FASTKD1: variants seen among roughly 807,000 people sequenced by gnomAD.
FASTKD1 encodes FAST kinase domain-containing protein 1, mitochondrial.
In FASTKD1, 94 loss-of-function variants were observed where a neutral mutation model predicts 90.9. That is an observed-to-expected ratio of 1.03 (90% CI 0.88 to 1.23). The LOEUF (loss-of-function observed/expected upper bound fraction) is 1.23. FASTKD1 is among the 50% of genes most tolerant of loss of function. The pLI, the probability that FASTKD1 is intolerant of heterozygous loss-of-function variation, is 0.00. For synonymous variants in FASTKD1, 319 were observed against 345.8 expected, an observed-to-expected ratio of 0.92 and a Z score of 0.86; for missense variants, 945 against 993.5, an observed-to-expected ratio of 0.95 and a Z score of 0.66.
intron 10 of FASTKD1, among the ~76,000 whole-genome samples, chr2:169,539,408 G>C (rs1283610095): frequency 1.3e-5 from 2 of 152,100 alleles, no homozygotes; most frequent in Non-Finnish European, 2.9e-5. Flanking sequence ...CCAGGAGTTA[G>C]AGACCAGCCT....
At chr2:169,530,784 T>C in intron 13 of FASTKD1, 83 bp from the exon 14 acceptor site, 1 of 751,822 alleles carries the variant, frequency 1.3e-6, no homozygotes, top group Non-Finnish European at 2.2e-6. Context: ...CAAGATTGCA[T>C]CTTTATAAAC....
chr2:169,556,163 C>T (rs182324694), intron 6 of FASTKD1, among the ~76,000 whole-genome samples: 29 of 152,110 alleles, frequency 1.9e-4, no homozygotes, highest in African/African-American at 6.3e-4. Flanking sequence ...AAACAATTGT[C>T]ATTTCTACTT....
chr2:169,538,204 T>A (rs1009779824), intron 10 of FASTKD1, 63 bp from the exon 11 acceptor site: 1 of 1,426,680 alleles, frequency 7.0e-7, no homozygotes, highest in Admixed American at 2.2e-5. Context: ...AACCCATTTT[T>A]TTCACATTCA....
intron 12 of FASTKD1, among the ~76,000 whole-genome samples, chr2:169,533,698 G>A (rs1459582322): frequency 6.6e-6 from 1 of 152,124 alleles, no homozygotes; most frequent in Non-Finnish European, 1.5e-5. Context: ...AAATCTTACA[G>A]ATTGATTAAA....
At chr2:169,540,456 A>G (rs1320303928) in intron 9 of FASTKD1, among the ~76,000 whole-genome samples, 3 of 152,208 alleles carry the variant, frequency 2.0e-5, no homozygotes, top group Admixed American at 6.5e-5. Context: ...AATTCACAGT[A>G]TTATACTAAA....
intron 3 of FASTKD1, among the ~76,000 whole-genome samples, chr2:169,564,976 G>T (rs1683891567): frequency 1.6e-5 from 2 of 123,774 alleles, no homozygotes; most frequent in South Asian, 2.6e-4. Flanking sequence ...TTTTTGAGAC[G>T]CAGTTTCGCT....
At position 169,547,884 on chromosome 2, in the gene FASTKD1, CAAAAAAAAAAAA is replaced by C. The variant is rs1158292826; in HGVS notation, c.1215-1192_1215-1181del. On this transcript the variant is annotated intron_variant, in intron 7 of 14. Transcript: ENST00000453153. ...TGGGCGACAGAGGAAGACTCCATCT[CAAAAAAAAAAAA>C]AAAAAAAAAAAAAAAAAAAAGAGTT... Among the ~76,000 whole-genome samples the C allele has an allele frequency of 3.6e-3, 76 of 21,340 alleles. 1 individual carries two copies. Among genetic ancestry groups the C allele is most frequent in the South Asian group, 0.011 (3 of 272 alleles). The allele number at this position is 21,340 out of a possible 152,430, so 14.0% of individuals were successfully genotyped here.
At chr2:169,549,368 A>G in intron 7 of FASTKD1, among the ~76,000 whole-genome samples, 1 of 152,144 alleles carries the variant, frequency 6.6e-6, no homozygotes, top group Non-Finnish European at 1.5e-5. Context: ...GTGCCACTGC[A>G]CTCCAGCCTG....
At chr2:169,535,314 C>T (rs2105334394) in intron 12 of FASTKD1, among the ~76,000 whole-genome samples, 1 of 151,718 alleles carries the variant, frequency 6.6e-6, no homozygotes, top group Non-Finnish European at 1.5e-5. Flanking sequence ...CCTAATGGGA[C>T]TACAGGGGCA....
At chr2:169,564,819 G>A (rs1252028068) in intron 3 of FASTKD1, among the ~76,000 whole-genome samples, 2 of 151,798 alleles carry the variant, frequency 1.3e-5, no homozygotes, top group Admixed American at 6.6e-5. Flanking sequence ...GAAAGCATGC[G>A]ACGTTTATCT....
intron 5 of FASTKD1, among the ~76,000 whole-genome samples, chr2:169,558,719 G>C (rs994650497): frequency 4.6e-5 from 7 of 152,032 alleles, no homozygotes; most frequent in African/African-American, 1.4e-4. Context: ...CCAAGGTGCT[G>C]GGATAACAGG....
At chr2:169,534,679 G>A (rs1684654273) in intron 12 of FASTKD1, among the ~76,000 whole-genome samples, 5 of 151,486 alleles carry the variant, frequency 3.3e-5, no homozygotes, top group Admixed American at 2.0e-4. Context: ...GGCTGATCTC[G>A]AACTCCCAAC....
intron 7 of FASTKD1, among the ~76,000 whole-genome samples, chr2:169,552,146 T>C (rs1685516398): frequency 1.3e-5 from 2 of 152,198 alleles, no homozygotes; most frequent in Admixed American, 1.3e-4. Context: ...GTGCCTATGA[T>C]TTTTATATAA....
chr2:169,541,900 A>T (rs1684973470), intron 9 of FASTKD1, among the ~76,000 whole-genome samples: 1 of 152,158 alleles, frequency 6.6e-6, no homozygotes, highest in Admixed American at 6.5e-5. Context: ...TGTTCCTGGA[A>T]AAAAACCAAA....
At chr2:169,537,038 T>G in intron 12 of FASTKD1, 189 bp downstream of exon 12, 1 of 416,194 alleles carries the variant, frequency 2.4e-6, no homozygotes, top group Middle Eastern at 6.8e-4. Context: ...CGCTCTTGGT[T>G]ATCAACACTG....
intron 3 of FASTKD1, among the ~76,000 whole-genome samples, chr2:169,564,772 G>A (rs557139927): frequency 6.6e-6 from 1 of 151,808 alleles, no homozygotes; most frequent in Admixed American, 6.6e-5. Context: ...ACGTCCATTA[G>A]TTCAATTGTT....
intron 7 of FASTKD1, among the ~76,000 whole-genome samples, chr2:169,547,798 T>C (rs1685269040): frequency 7.1e-6 from 1 of 140,798 alleles, no homozygotes; most frequent in Non-Finnish European, 1.5e-5. Flanking sequence ...GGCAGGGGAA[T>C]CTCTTGAACC....
chr2:169,564,701 C>T (rs2105428326), intron 3 of FASTKD1, among the ~76,000 whole-genome samples: 1 of 152,104 alleles, frequency 6.6e-6, no homozygotes, highest in South Asian at 2.1e-4. Flanking sequence ...TAACCATCCC[C>T]ACCTCCCCCA....
At chr2:169,560,862 T>TTC in intron 4 of FASTKD1, 77 bp from the exon 5 acceptor site, 1 of 1,132,920 alleles carries the variant, frequency 8.8e-7, no homozygotes, top group African/African-American at 1.6e-5. Flanking sequence ...TTTTTTTTTT[T>TTC]TGTAGAAACA....
Sources: allele counts gnomAD v4.1 joint callset (sites outside exome capture counted in the v4.1 genomes callset), GRCh38; gene constraint gnomAD v4.1.1; transcripts MANE v1.5; gene names NCBI Gene and HGNC (gene_info 2026-07-23, HGNC 2026-07-21).